The following MAP7 variants were observed in gnomAD, a reference collection of about 807,000 sequenced individuals.
MAP7 encodes the protein microtubule associated protein 7, also known as ensconsin.
In MAP7, 52 loss-of-function variants were observed where a neutral mutation model predicts 94.8. The ratio of observed to expected loss-of-function variants is 0.55; its 90% CI spans 0.44 to 0.69. The LOEUF (loss-of-function observed/expected upper bound fraction) is 0.69. Among genes scored for constraint, MAP7 ranks in the 30% least tolerant of loss-of-function variants. MAP7 has a pLI of 0.00. For missense variants in MAP7, 940 were observed against 964.6 expected (o/e 0.97, Z 0.34); for synonymous variants, 350 against 357.0 (o/e 0.98, Z 0.22).
At chr6:136,392,671 T>C (rs1781134196) in intron 3 of MAP7, among the ~76,000 whole-genome samples, 1 of 152,122 alleles carries the variant, frequency 6.6e-6, no homozygotes. Context: ...AAAGGGAACA[T>C]ACATTTAAAA....
At chr6:136,526,802 AGGCAT>A (rs59626534) in intron 1 of MAP7, 21,385 of 423,956 alleles carry the variant, frequency 0.05, 2,720 homozygotes, top group African/African-American at 0.33. Context: ...GGATGAATGA[AGGCAT>A]GGCTGGTACC....
In MAP7 at chr6:136,382,633, CA is replaced by C. The variant is rs1442671900; in HGVS notation, c.637+1037del. 4.6e-5 allele frequency among the ~76,000 whole-genome samples: 7 copies of C among 152,130 alleles called. No homozygotes were observed. The East Asian group carries it at 9.7e-4, about 21-fold the overall frequency. On this transcript the variant is annotated intron_variant, in intron 6 of 17. Coordinates refer to ENST00000354570, the MANE Select transcript of MAP7 (RefSeq NM_003980.6). The stretch of plus-strand genomic sequence containing the variant: ...TAAAAGACAAGAATGGAAAGTTGTT[CA>C]AACATTTACTATTTTAAGAGATTAG...
intron 13 of MAP7, 78 bp from the exon 14 acceptor site, chr6:136,360,109 G>C (rs1792122251): frequency 2.7e-6 from 3 of 1,095,088 alleles, no homozygotes; most frequent in African/African-American, 1.6e-5. Flanking sequence ...TGATGAAATA[G>C]ATTATTTAAA....
Position 136,377,744 on chromosome 6 carries a change from G to A in MAP7, c.751+11C>T. On this transcript the variant is annotated intron_variant, in intron 7 of 17. Transcript: ENST00000354570. ...GACCTCATGGGGAAAGTTCCACCTGGACAGTTTTACCTGCTTCTCCAGACA... is the reference window on the plus strand; with the variant it reads ...GACCTCATGGGGAAAGTTCCACCTGAACAGTTTTACCTGCTTCTCCAGACA... 6.2e-7 allele frequency: 1 copy of A among 1,606,908 alleles called. No individual in the cohort carries two copies. The highest frequency in any genetic ancestry group is 8.5e-7 in the Non-Finnish European group (1 of 1,173,522).
rs57114676 is a variant in MAP7, at chr6:136,402,905, CAAAAAAAAAAAAAAAAAAAAAAAAA to C, written c.244+8690_244+8714del. 8.1e-3 allele frequency among the ~76,000 whole-genome samples: 544 copies of C among 67,418 alleles called. 11 individuals are homozygous for C. The highest frequency in any genetic ancestry group is 0.03 in the African/African-American group (481 of 16,094). The allele number at this position is 67,418 out of a possible 152,430, so 44.2% of individuals were successfully genotyped here. ...TGGGCGAAAGAGCAAGACTCTGTCT[CAAAAAAAAAAAAAAAAAAAAAAAAA>C]AAAAAAAAAAAGAAAGAAAAAGAAA... On this transcript the variant is annotated intron_variant, in intron 3 of 17. Transcript: ENST00000354570.
chr6:136,445,356 G>C (rs1275671563), intron 1 of MAP7, among the ~76,000 whole-genome samples: 1 of 152,074 alleles, frequency 6.6e-6, no homozygotes, highest in Non-Finnish European at 1.5e-5. Context: ...CCCCACCATA[G>C]ATCTCCTAGT....
intron 1 of MAP7, among the ~76,000 whole-genome samples, chr6:136,537,688 C>A (rs1471561681): frequency 6.6e-6 from 1 of 152,104 alleles, no homozygotes; most frequent in Non-Finnish European, 1.5e-5. Flanking sequence ...TCCACAGTGG[C>A]TACTGTATAC....
chr6:136,492,259 A>G (rs768860181), intron 1 of MAP7, among the ~76,000 whole-genome samples: 2 of 152,224 alleles, frequency 1.3e-5, no homozygotes, highest in Non-Finnish European at 2.9e-5. Flanking sequence ...CACACTTGTA[A>G]TCACTTCCTT....
intron 1 of MAP7, among the ~76,000 whole-genome samples, chr6:136,506,747 C>T (rs1432706759): frequency 5.3e-5 from 8 of 152,270 alleles, no homozygotes; most frequent in Non-Finnish European, 1.0e-4. Flanking sequence ...CTGAAGACTT[C>T]GTTCTATATT....
At chr6:136,460,372 T>A (rs1320909272) in intron 1 of MAP7, among the ~76,000 whole-genome samples, 1 of 152,198 alleles carries the variant, frequency 6.6e-6, no homozygotes, top group African/African-American at 2.4e-5. Flanking sequence ...TGTTTCTTTT[T>A]GTTTTTGCCA....
intron 3 of MAP7, among the ~76,000 whole-genome samples, chr6:136,408,243 T>TA (rs1786246238): frequency 6.6e-6 from 1 of 152,004 alleles, no homozygotes; most frequent in Non-Finnish European, 1.5e-5. Flanking sequence ...GGAAGAAAAA[T>TA]AAAGCTTTCA....
At chr6:136,421,630 T>C in intron 2 of MAP7, 71 bp downstream of exon 2, 1 of 1,393,238 alleles carries the variant, frequency 7.2e-7, no homozygotes, top group South Asian at 1.2e-5. Context: ...TAAACCTTTA[T>C]AATCATCAGC....
chr6:136,469,856 T>TA (rs1808391107), intron 1 of MAP7, among the ~76,000 whole-genome samples: 1 of 152,152 alleles, frequency 6.6e-6, no homozygotes, highest in African/African-American at 2.4e-5. Flanking sequence ...AAATGTAAAA[T>TA]ACAATAAACA....
chr6:136,488,015 T>A (rs563856659), intron 1 of MAP7, among the ~76,000 whole-genome samples: 22 of 152,366 alleles, frequency 1.4e-4, no homozygotes, highest in African/African-American at 3.8e-4. Flanking sequence ...TATGCTTTAT[T>A]TACTTTCACA....
At chr6:136,454,303 C>CTATCTATG (rs1180508711) in intron 1 of MAP7, among the ~76,000 whole-genome samples, 1 of 151,756 alleles carries the variant, frequency 6.6e-6, no homozygotes. Flanking sequence ...ATCTATCTAT[C>CTATCTATG]TATCTATCTA....
intron 1 of MAP7, among the ~76,000 whole-genome samples, chr6:136,445,204 A>T (rs1487312565): frequency 6.6e-6 from 1 of 152,226 alleles, no homozygotes; most frequent in African/African-American, 2.4e-5. Flanking sequence ...ATGGCAAGCC[A>T]TAAAAATTCC....
chr6:136,440,179 AT>A (rs1419761311), intron 1 of MAP7, among the ~76,000 whole-genome samples: 1 of 152,258 alleles, frequency 6.6e-6, no homozygotes, highest in Non-Finnish European at 1.5e-5. Context: ...GACTATGAAT[AT>A]AATCACTCAG....
At chr6:136,419,941 G>T in intron 2 of MAP7, 1 of 631,642 alleles carries the variant, frequency 1.6e-6, no homozygotes, top group South Asian at 1.6e-5. Context: ...TTCTTCCTCT[G>T]ATAGCTATAA....
Position 136,359,967 on chromosome 6 carries a change from G to GGCCA in MAP7, c.1854+10_1854+13dup. 1 of 1,612,130 alleles carries GGCCA rather than the reference G, an allele frequency of 6.2e-7. No individual in the cohort carries two copies. The highest frequency in any genetic ancestry group is 1.1e-5 in the South Asian group (1 of 90,498). ...AAGCATACAAAAGTAGTTAGAAAAC[G>GGCCA]GCCATGTCAATACCTTATCTGTAGC... On this transcript the variant is annotated intron_variant, in intron 14 of 17. Transcript: ENST00000354570.
Sources: allele counts gnomAD v4.1 joint callset (sites outside exome capture counted in the v4.1 genomes callset), GRCh38; gene constraint gnomAD v4.1.1; transcripts MANE v1.5; gene names NCBI Gene and HGNC (gene_info 2026-07-23, HGNC 2026-07-21).